The following ROCK2 variants were observed in gnomAD, a reference collection of about 807,000 sequenced individuals.
The protein encoded by ROCK2 is Rho associated coiled-coil containing protein kinase 2, also known as rho-associated protein kinase 2.
A neutral mutation model predicts 195.1 loss-of-function variants in ROCK2; 61 were observed. The observed-to-expected ratio is 0.31, with a 90% CI of 0.25 to 0.39. The LOEUF is 0.39. ROCK2 is among the 10% of genes least tolerant of loss of function. The pLI is 1.00. For synonymous variants in ROCK2, 504 were observed against 545.5 expected (o/e 0.92, Z 1.06); for missense variants, 1,109 against 1,637.4 (o/e 0.68, Z 5.57).
intron 1 of ROCK2, among the ~76,000 whole-genome samples, chr2:11,329,658 C>T (rs1668658039): frequency 6.6e-6 from 1 of 151,164 alleles, no homozygotes; most frequent in Non-Finnish European, 1.5e-5. Context: ...AATCTGTTTT[C>T]CAGCATTCAA....
rs374256480 is a variant in ROCK2, at chr2:11,283,625, G to A, written c.324+2914C>T. On this transcript the variant is annotated intron_variant, in intron 3 of 32. Transcript: ENST00000315872. ...AAAAAAAGGAAAAGATATACAGATG[G>A]CAAATAAGTATATGAAAAGATGTTC... is the stretch of plus-strand genomic sequence containing the variant. Among the ~76,000 whole-genome samples the A allele has an allele frequency of 1.7e-3, 258 of 147,466 alleles. No individual in the cohort carries two copies. The Middle Eastern group carries it at 0.025, about 14-fold the overall frequency.
chr2:11,229,458 G>A (rs773288037), intron 5 of ROCK2, among the ~76,000 whole-genome samples: 1 of 151,922 alleles, frequency 6.6e-6, no homozygotes, highest in Non-Finnish European at 1.5e-5. Flanking sequence ...ATGGAAAGAA[G>A]GGAGTAATGG....
chr2:11,236,420 G>A (rs1665207040), intron 4 of ROCK2, among the ~76,000 whole-genome samples: 1 of 152,068 alleles, frequency 6.6e-6, no homozygotes, highest in South Asian at 2.1e-4. Flanking sequence ...GACACAAGAA[G>A]AGGGAATAAG....
intron 1 of ROCK2, among the ~76,000 whole-genome samples, chr2:11,298,070 C>T (rs566884424): frequency 2.0e-5 from 3 of 152,214 alleles, no homozygotes; most frequent in African/African-American, 7.2e-5. Context: ...AAAAATTTAT[C>T]AAGCTGTATA....
At chr2:11,253,205 T>C (rs79988934) in intron 3 of ROCK2, among the ~76,000 whole-genome samples, 383 of 152,244 alleles carry the variant, frequency 2.5e-3, no homozygotes, top group East Asian at 0.015. Context: ...CACCTTACCA[T>C]TGTCTACAGG....
intron 3 of ROCK2, among the ~76,000 whole-genome samples, chr2:11,269,091 A>G (rs1006640631): frequency 6.6e-6 from 1 of 152,086 alleles, no homozygotes; most frequent in Non-Finnish European, 1.5e-5. Flanking sequence ...AGCTCTAGAA[A>G]TTTTTTGGTT....
At chr2:11,308,158 A>T in intron 1 of ROCK2, 1 of 1,606,722 alleles carries the variant, frequency 6.2e-7, no homozygotes, top group Non-Finnish European at 8.5e-7. Context: ...CTACAAAAAG[A>T]GGCCCAAGCT....
At chr2:11,329,734 T>G (rs1481148989) in intron 1 of ROCK2, among the ~76,000 whole-genome samples, 1 of 152,230 alleles carries the variant, frequency 6.6e-6, no homozygotes, top group Non-Finnish European at 1.5e-5. Flanking sequence ...AGAAATTGTT[T>G]TACAAAACTA....
intron 3 of ROCK2, among the ~76,000 whole-genome samples, chr2:11,272,952 G>A (rs539121212): frequency 6.6e-6 from 1 of 150,448 alleles, no homozygotes; most frequent in Non-Finnish European, 1.5e-5. Flanking sequence ...ATTTTTATAA[G>A]TTTAGGATGT....
intron 20 of ROCK2, among the ~76,000 whole-genome samples, chr2:11,205,469 G>T (rs1421230997): frequency 6.6e-6 from 1 of 151,862 alleles, no homozygotes; most frequent in African/African-American, 2.4e-5. Context: ...ATTTATTGTG[G>T]GTTTATATAT....
chr2:11,263,571 G>A (rs567879691), intron 3 of ROCK2, among the ~76,000 whole-genome samples: 49 of 144,984 alleles, frequency 3.4e-4, no homozygotes, highest in African/African-American at 1.2e-3. Context: ...GTACTTGAAA[G>A]ACACAGTTCC....
chr2:11,251,340 C>T lies in ROCK2; in HGVS notation c.325-1542G>A, dbSNP rs1259956091. Among the ~76,000 whole-genome samples the T allele has an allele frequency of 2.6e-5, 4 of 152,194 alleles. No individual in the cohort carries two copies. The South Asian group carries it at 6.2e-4, about 24-fold the overall frequency. ...TTTCAATAAATATCTGCTGAAAGAA[C>T]AGATTTACTAAGTACTTGGCATGTG... On this transcript the variant is annotated intron_variant, in intron 3 of 32. Coordinates refer to ENST00000315872, the MANE Select transcript of ROCK2 (RefSeq NM_004850.5).
In ROCK2 at chr2:11,181,935, A is replaced by G. The variant is rs540706803; in HGVS notation, c.*1502T>C. 6 of 152,138 alleles carry G rather than the reference A, an allele frequency of 3.9e-5. No homozygotes were observed. The highest frequency in any genetic ancestry group is 1.4e-4 in the African/African-American group (6 of 41,544). 9.4% of individuals were successfully genotyped at this position (152,138 alleles called of 1,614,324 possible). On this transcript the variant is annotated 3_prime_UTR_variant, in exon 33 of 33. Coordinates refer to ENST00000315872, the MANE Select transcript of ROCK2 (RefSeq NM_004850.5). ...GGCGTAAGCCACCATGCCTGGCCAG[A>G]TGATGTATTTAAATATCATACCAAA...
chr2:11,195,053 AAAGATAACAAT>A (rs757237076), intron 27 of ROCK2, 28 bp from the exon 28 acceptor site: 2 of 1,296,260 alleles, frequency 1.5e-6, no homozygotes, highest in Non-Finnish European at 2.1e-6. Flanking sequence ...ATGTGAGGCT[AAAGATAACAAT>A]TCTCCTTAGA....
At chr2:11,328,914 T>G in intron 1 of ROCK2, among the ~76,000 whole-genome samples, 2 of 128,692 alleles carry the variant, frequency 1.6e-5, no homozygotes, top group Non-Finnish European at 1.7e-5. Flanking sequence ...CTGGGGACTG[T>G]TGTGGGGTGA....
chr2:11,219,861 C>CTTTTTT (rs11437412), intron 9 of ROCK2, among the ~76,000 whole-genome samples: 1 of 134,738 alleles, frequency 7.4e-6, no homozygotes, highest in Non-Finnish European at 1.6e-5. Flanking sequence ...CCAAAACTCA[C>CTTTTTT]TTTTTTTTTT....
intron 3 of ROCK2, among the ~76,000 whole-genome samples, chr2:11,265,079 T>C (rs141000201): frequency 3.9e-5 from 6 of 152,074 alleles, no homozygotes; most frequent in African/African-American, 9.7e-5. Flanking sequence ...ATGGGCATAA[T>C]AGTAATAATA....
chr2:11,286,769 G>A (rs1455237684), intron 2 of ROCK2, 130 bp from the exon 3 acceptor site: 2 of 539,894 alleles, frequency 3.7e-6, no homozygotes, highest in South Asian at 2.8e-5. Context: ...TTTAAAGGCT[G>A]TTAGTTAAAA....
At chr2:11,314,404 A>G (rs1307620803) in intron 1 of ROCK2, among the ~76,000 whole-genome samples, 1 of 149,356 alleles carries the variant, frequency 6.7e-6, no homozygotes, top group East Asian at 2.0e-4. Context: ...TGTTAAAGGT[A>G]TTTAAAATAG....
Sources: gnomAD v4.1 joint callset for allele counts (sites outside exome capture counted in the v4.1 genomes callset) on GRCh38, gnomAD v4.1.1 for gene constraint, MANE v1.5 for transcripts, NCBI Gene and HGNC (gene_info 2026-07-23, HGNC 2026-07-21) for gene names.